Variants in PSIP1 observed in about 807,000 individuals in gnomAD.
PSIP1 encodes the protein PC4 and SRSF1 interacting protein 1.
PSIP1 carries 19 observed loss-of-function variants against 74.7 expected under a neutral mutation model. The ratio of observed to expected loss-of-function variants is 0.25; its 90% CI spans 0.18 to 0.37. The LOEUF (loss-of-function observed/expected upper bound fraction) is 0.37. Ranked by LOEUF, PSIP1 falls within the 10% of genes least tolerant of loss-of-function variation. The pLI is 1.00. For synonymous variants in PSIP1, 222 were observed against 195.3 expected, an observed-to-expected ratio of 1.14 and a Z score of -1.14; for missense variants, 601 against 614.3, an observed-to-expected ratio of 0.98 and a Z score of 0.23.
At chr9:15,489,897 G>C (rs1233223916) in intron 4 of PSIP1, 89 bp downstream of exon 4, 1 of 1,121,756 alleles carries the variant, frequency 8.9e-7, no homozygotes, top group East Asian at 2.8e-5. Flanking sequence ...AATTCCCAAG[G>C]CTTTTAGTAT....
chr9:15,478,553 C>A lies in PSIP1; in HGVS notation c.554-1G>T. 6.3e-7 allele frequency: 1 copy of A among 1,585,756 alleles called. No individual in the cohort carries two copies. Among genetic ancestry groups the A allele is most frequent in the Non-Finnish European group, 8.7e-7 (1 of 1,155,130 alleles). On this transcript the variant is annotated splice_acceptor_variant, in intron 7 of 15. Coordinates refer to ENST00000380733, the MANE Select transcript of PSIP1 (RefSeq NM_033222.5). LOFTEE classifies it high-confidence loss of function. ...GGTTTTGGAATCTTGACTTCTGTAG[C>A]TAATATACACATGGAAAAAAAATCA...
chr9:15,510,334 G>A lies in PSIP1; in HGVS notation c.-141-5C>T, dbSNP rs1465344630. On this transcript the variant is annotated splice_region_variant and splice_polypyrimidine_tract_variant and intron_variant, in intron 1 of 15. Coordinates refer to ENST00000380733, the MANE Select transcript of PSIP1 (RefSeq NM_033222.5). The stretch of plus-strand genomic sequence containing the variant: ...CGGGGCGTCCCGACGCGCCTGCTAG[G>A]GAGAGCACCGAGGGCGGTTAAAGCG... 1.5e-5 allele frequency: 7 copies of A among 468,802 alleles called. No homozygotes were observed. Among genetic ancestry groups the A allele is most frequent in the Admixed American group, 4.6e-5 (1 of 21,870 alleles). The allele number at this position is 468,802 out of a possible 1,614,324, so 29.0% of individuals were successfully genotyped here. A position where few individuals can be genotyped will look rare whatever the true frequency, so the allele number is the denominator to read the frequency against.
At chr9:15,499,658 G>C (rs1196943389) in intron 3 of PSIP1, among the ~76,000 whole-genome samples, 2 of 152,150 alleles carry the variant, frequency 1.3e-5, no homozygotes, top group Non-Finnish European at 2.9e-5. Flanking sequence ...AGGAACATTT[G>C]AGCCCAGGAG....
intron 8 of PSIP1, among the ~76,000 whole-genome samples, chr9:15,477,127 A>G (rs1234294042): frequency 6.6e-6 from 1 of 152,118 alleles, no homozygotes; most frequent in Admixed American, 6.5e-5. Flanking sequence ...CCTAGGGAAT[A>G]ATGACTGCCA....
Position 15,465,544 on chromosome 9 carries a change from C to T in PSIP1, c.1569G>A (p.Leu523=). ...CCTAGTTATCTAGTGTAGAATCCTT[C>T]AGAGATATTTCAGTCTCTCTCTCTT... ...SSEERETEIS[L]KDSTLDN is the part of the protein sequence containing the mutation. Residue 523 remains leucine (L), a synonymous_variant, in exon 16 of 16, where the codon CTG becomes CTA. Transcript: ENST00000380733. 6.3e-7 allele frequency: 1 copy of T among 1,583,214 alleles called. No homozygotes were observed. The highest frequency in any genetic ancestry group is 1.1e-5 in the South Asian group (1 of 89,518).
chr9:15,485,729 A>G (rs533477048), intron 6 of PSIP1, among the ~76,000 whole-genome samples: 4 of 152,348 alleles, frequency 2.6e-5, no homozygotes, highest in South Asian at 4.1e-4. Flanking sequence ...CTTGGAGTAT[A>G]TATTTCTACC....
intron 14 of PSIP1, chr9:15,468,271 G>A (rs371390553): frequency 3.1e-5 from 16 of 520,668 alleles, no homozygotes; most frequent in East Asian, 1.1e-4. Context: ...GCTACTGTAC[G>A]CTATTTTACT....
At chr9:15,467,315 AGG>A (rs2035681037) in intron 14 of PSIP1, among the ~76,000 whole-genome samples, 1 of 152,158 alleles carries the variant, frequency 6.6e-6, no homozygotes, top group African/African-American at 2.4e-5. Context: ...TGCCTAATAA[AGG>A]GGGTTTTCCT....
In PSIP1 at chr9:15,465,520, C is replaced by CT. The variant is rs1182437254; in HGVS notation, c.1592dup (p.Ter531=). The change falls in exon 16 of 16, where the codon TAG becomes TAAG. Residue 531 remains the stop codon, a frameshift_variant and stop_retained_variant. Coordinates refer to ENST00000380733, the MANE Select transcript of PSIP1 (RefSeq NM_033222.5). LOFTEE classifies it high-confidence loss of function. ...TTCTCTATATTCCAGGTATGTCAAC[C>CT]TAGTTATCTAGTGTAGAATCCTTCA... ...ISLKDSTLDN[*] is the part of the protein sequence containing the mutation. The CT allele has an allele frequency of 1.3e-6, 2 of 1,553,570 alleles. No homozygotes were observed. Among genetic ancestry groups the CT allele is most frequent in the Non-Finnish European group, 1.8e-6 (2 of 1,133,768 alleles).
At chr9:15,508,230 C>T (rs1039722404) in intron 2 of PSIP1, among the ~76,000 whole-genome samples, 1 of 152,144 alleles carries the variant, frequency 6.6e-6, no homozygotes, top group Non-Finnish European at 1.5e-5. Context: ...GTCACCTTTA[C>T]GGCTCAGACT....
At chr9:15,476,814 G>GT (rs2036106135) in intron 8 of PSIP1, among the ~76,000 whole-genome samples, 1 of 152,156 alleles carries the variant, frequency 6.6e-6, no homozygotes, top group South Asian at 2.1e-4. Flanking sequence ...TCAAAAGAAA[G>GT]TAAGTGAGAT....
intron 2 of PSIP1, among the ~76,000 whole-genome samples, chr9:15,509,375 A>C (rs1006207802): frequency 6.6e-6 from 1 of 152,188 alleles, no homozygotes; most frequent in South Asian, 2.1e-4. Flanking sequence ...GTAGATCTTT[A>C]AACAGTCTCA....
chr9:15,469,134 C>T, intron 12 of PSIP1, 76 bp from the exon 13 acceptor site: 1 of 1,404,090 alleles, frequency 7.1e-7, no homozygotes, highest in Non-Finnish European at 9.7e-7. Context: ...AGATCGTTTC[C>T]AAAAAAAAAG....
At position 15,510,250 on chromosome 9, in the gene PSIP1, G is replaced by GGGATGCGGGCGGC; in HGVS notation, c.-75_-63dup. On this transcript the variant is annotated 5_prime_UTR_variant, in exon 2 of 16. Transcript: ENST00000380733. ...GGCGGCGAGGAGATGCGGCGGCGCG[G>GGGATGCGGGCGGC]GGATGCGGGCGGCGGACGCGGGCCC... is the stretch of plus-strand genomic sequence containing the variant. 1 of 1,529,420 alleles carries GGGATGCGGGCGGC rather than the reference G, an allele frequency of 6.5e-7. No individual in the cohort carries two copies. 94.7% of individuals were successfully genotyped at this position (1,529,420 alleles called of 1,614,324 possible).
intron 3 of PSIP1, chr9:15,506,262 T>G (rs2132239960): frequency 4.1e-6 from 1 of 246,132 alleles, no homozygotes; most frequent in Admixed American, 5.0e-5. Flanking sequence ...TATTTTACTG[T>G]ATAGGAATAT....
chr9:15,468,179 A>C (rs1260493538), intron 14 of PSIP1, among the ~76,000 whole-genome samples: 1 of 151,916 alleles, frequency 6.6e-6, no homozygotes, highest in Non-Finnish European at 1.5e-5. Flanking sequence ...GTTCAGGGTA[A>C]CTCAGCAGCA....
intron 7 of PSIP1, among the ~76,000 whole-genome samples, chr9:15,479,074 G>GA (rs528295853): frequency 3.4e-4 from 52 of 151,658 alleles, no homozygotes; most frequent in South Asian, 8.3e-4. Context: ...TTAAAAAGTA[G>GA]AAAAAAAATT....
chr9:15,466,809 G>T lies in PSIP1; in HGVS notation c.1471C>A (p.Gln491Lys). Reference sequence around the variant, plus strand: ...TCTTCATTGCTCTCCCCGTTATGTTGTGGCTGATTACCATCTTGAGCATCA... The same window carrying T: ...TCTTCATTGCTCTCCCCGTTATGTTTTGGCTGATTACCATCTTGAGCATCA... ...GSDAQDGNQP[Q>K]HNGESNEDSK... The change falls in exon 15 of 16, where the codon CAA becomes AAA. Residue 491 changes from glutamine (Q) to lysine (K), a missense_variant. Gln to Lys is a moderately conservative substitution (Grantham distance 53). Around this residue, in one of 2 missense-constraint regions of PSIP1, gnomAD observed 538 missense variants for 507.6 expected, o/e 1.06. Transcript: ENST00000380733. 6.2e-7 allele frequency: 1 copy of T among 1,613,320 alleles called. No individual in the cohort carries two copies. Among genetic ancestry groups the T allele is most frequent in the East Asian group, 2.2e-5 (1 of 44,830 alleles).
chr9:15,496,717 C>T (rs1194722745), intron 3 of PSIP1, among the ~76,000 whole-genome samples: 1 of 152,084 alleles, frequency 6.6e-6, no homozygotes, highest in Admixed American at 6.6e-5. Context: ...TCTTAATATA[C>T]CAAAAATTAA....
Sources: gnomAD v4.1 joint callset for allele counts (sites outside exome capture counted in the v4.1 genomes callset) on GRCh38, gnomAD v4.1.1 for gene constraint, gnomAD v4.1.1 regional missense constraint, MANE v1.5 for transcripts, NCBI Gene and HGNC (gene_info 2026-07-23, HGNC 2026-07-21) for gene names.